The following ABCA13 variants were observed in gnomAD, a reference collection of about 807,000 sequenced individuals.
ABCA13 encodes the protein ATP-binding cassette sub-family A member 13.
In ABCA13, 476 loss-of-function variants were observed where a neutral mutation model predicts 478.7. The observed-to-expected ratio is 0.99, with a 90% CI of 0.92 to 1.07. The LOEUF is 1.07. ABCA13 is among the 50% of genes least tolerant of loss of function. The pLI is 0.00. For missense variants in ABCA13, 6,060 were observed against 5,910.6 expected (o/e 1.03, Z -0.83); for synonymous variants, 2,252 against 2,158.9 (o/e 1.04, Z -1.20).
chr7:48,279,216 G>T lies in ABCA13; in HGVS notation c.8022G>T (p.Arg2674=). The T allele has an allele frequency of 6.3e-7, 1 of 1,590,280 alleles. No homozygotes were observed. Among genetic ancestry groups the T allele is most frequent in the Non-Finnish European group, 8.6e-7 (1 of 1,167,296 alleles). ...QTFSMDSVNL[R]EEILGCLVPI... is the part of the protein sequence containing the mutation. ...TTTCTATGGATTCTGTCAACTTACG[G>T]GAAGAAATTCTGGGTTGCTTAGTTC... The change falls in exon 18 of 62, where the codon CGG becomes CGT. Residue 2674 remains arginine (R), a synonymous_variant. Coordinates refer to ENST00000435803, the MANE Select transcript of ABCA13 (RefSeq NM_152701.5).
intron 16 of ABCA13, among the ~76,000 whole-genome samples, chr7:48,271,052 G>A (rs1327540914): frequency 6.6e-6 from 1 of 152,200 alleles, no homozygotes; most frequent in Non-Finnish European, 1.5e-5. Context: ...CCCTCACTGA[G>A]ATGCATGAAT....
chr7:48,613,048 G>A (rs987559966), intron 58 of ABCA13, among the ~76,000 whole-genome samples: 5 of 151,882 alleles, frequency 3.3e-5, no homozygotes, highest in African/African-American at 7.3e-5. Context: ...TATTACCCAC[G>A]AGCAGTTCTT....
Position 48,271,833 on chromosome 7 carries a change from C to A in ABCA13, c.2167C>A (p.His723Asn). 6.4e-7 allele frequency: 1 copy of A among 1,565,580 alleles called. No homozygotes were observed. Among genetic ancestry groups the A allele is most frequent in the Non-Finnish European group, 8.7e-7 (1 of 1,154,546 alleles). ...KHLLMMEKKL[H>N]TLEDEQMNFL... is the part of the protein sequence containing the mutation. ...CCTTCTAATGATGGAAAAGAAGTTG[C>A]ACACCCTTGAGGATGAACAAATGAA... The change falls in exon 17 of 62, where the codon CAC (histidine) becomes AAC (asparagine). Residue 723 changes from histidine to asparagine, a missense_variant. Physicochemically the swap from His to Asn is moderately conservative, Grantham distance 68. This residue lies in a region of ABCA13 where 4,423 missense variants were observed against 4,309.1 expected (regional missense o/e 1.03). Transcript: ENST00000435803.
intron 44 of ABCA13, among the ~76,000 whole-genome samples, chr7:48,470,949 A>T (rs1299975810): frequency 6.6e-6 from 1 of 152,224 alleles, no homozygotes; most frequent in Non-Finnish European, 1.5e-5. Flanking sequence ...AAATGCTAGA[A>T]AAAATATTTT....
At chr7:48,610,208 A>G (rs1227428096) in intron 58 of ABCA13, among the ~76,000 whole-genome samples, 2 of 152,230 alleles carry the variant, frequency 1.3e-5, no homozygotes, top group African/African-American at 4.8e-5. Flanking sequence ...CACCTGAACA[A>G]AAAGGAAGAA....
At position 48,518,912 on chromosome 7, in the gene ABCA13, C is replaced by T. The variant is rs527552842; in HGVS notation, c.13798-1129C>T. On this transcript the variant is annotated intron_variant, in intron 52 of 61. Coordinates refer to ENST00000435803, the MANE Select transcript of ABCA13 (RefSeq NM_152701.5). ...TTTGCTGCACCTCTCAACCCATCACCTAGGTATTAAGCCCAGCATGCATTA... is the reference window on the plus strand; with the variant it reads ...TTTGCTGCACCTCTCAACCCATCACTTAGGTATTAAGCCCAGCATGCATTA... Among the ~76,000 whole-genome samples, 3 of 152,210 alleles carry T rather than the reference C, an allele frequency of 2.0e-5. No homozygotes were observed. The South Asian group carries it at 6.2e-4, about 32-fold the overall frequency.
intron 4 of ABCA13, among the ~76,000 whole-genome samples, chr7:48,220,514 G>C (rs536692066): frequency 1.1e-3 from 163 of 152,136 alleles, no homozygotes; most frequent in Middle Eastern, 3.4e-3. Context: ...ACGAAATAAA[G>C]AGTTTGGCAG....
chr7:48,596,165 T>C (rs1009665152), intron 58 of ABCA13, among the ~76,000 whole-genome samples: 6 of 152,268 alleles, frequency 3.9e-5, no homozygotes, highest in African/African-American at 1.2e-4. Flanking sequence ...GCCAATGTAT[T>C]GTGAAGAACT....
intron 58 of ABCA13, among the ~76,000 whole-genome samples, chr7:48,597,316 A>G (rs1790403469): frequency 6.6e-6 from 1 of 152,106 alleles, no homozygotes; most frequent in Admixed American, 6.5e-5. Flanking sequence ...TTCATTCCAA[A>G]CGGTATCCCA....
intron 46 of ABCA13, among the ~76,000 whole-genome samples, chr7:48,482,200 G>A (rs892481640): frequency 6.6e-6 from 1 of 152,088 alleles, no homozygotes; most frequent in African/African-American, 2.4e-5. Context: ...ACCCAGTGTG[G>A]TAATTGATAA....
intron 48 of ABCA13, among the ~76,000 whole-genome samples, chr7:48,497,750 CTAAG>C (rs1190144326): frequency 6.8e-6 from 1 of 147,696 alleles, no homozygotes; most frequent in Non-Finnish European, 1.5e-5. Context: ...CTCATTGTCT[CTAAG>C]TGAGTGGGGG....
chr7:48,556,252 T>C (rs548291128), intron 55 of ABCA13, among the ~76,000 whole-genome samples: 1 of 152,066 alleles, frequency 6.6e-6, no homozygotes, highest in East Asian at 1.9e-4. Flanking sequence ...GTGATCTACG[T>C]GCTGAGAAGG....
intron 41 of ABCA13, among the ~76,000 whole-genome samples, chr7:48,425,887 G>A (rs1300682170): frequency 1.3e-5 from 2 of 151,830 alleles, no homozygotes; most frequent in African/African-American, 4.8e-5. Flanking sequence ...GACTACAGGC[G>A]CCCGCCACCT....
intron 27 of ABCA13, among the ~76,000 whole-genome samples, chr7:48,326,673 C>A (rs1804376895): frequency 6.6e-6 from 1 of 151,966 alleles, no homozygotes; most frequent in South Asian, 2.1e-4. Context: ...GGATTTGAAA[C>A]AAAGTCTGTT....
intron 42 of ABCA13, among the ~76,000 whole-genome samples, chr7:48,442,133 C>T (rs79841069): frequency 0.014 from 2,190 of 152,294 alleles, 48 homozygotes; most frequent in African/African-American, 0.05. Context: ...AGTGTCCCAT[C>T]CCACTGCCGA....
intron 1 of ABCA13, among the ~76,000 whole-genome samples, chr7:48,191,974 G>A (rs966925273): frequency 1.3e-5 from 2 of 152,288 alleles, no homozygotes; most frequent in East Asian, 1.9e-4. Flanking sequence ...AGCATTCTTA[G>A]CCTGCAGATT....
intron 58 of ABCA13, among the ~76,000 whole-genome samples, chr7:48,613,033 A>G (rs994670402): frequency 5.9e-5 from 9 of 152,142 alleles, no homozygotes; most frequent in African/African-American, 2.2e-4. Context: ...ATTTGTTGGC[A>G]TGTTTATTAC....
chr7:48,571,281 GT>G (rs1313568732), intron 55 of ABCA13, among the ~76,000 whole-genome samples: 2 of 151,960 alleles, frequency 1.3e-5, no homozygotes, highest in Non-Finnish European at 2.9e-5. Flanking sequence ...AGTGCTTTTT[GT>G]TTTATTTCAT....
intron 57 of ABCA13, among the ~76,000 whole-genome samples, chr7:48,593,798 C>CT (rs1790007488): frequency 6.6e-6 from 1 of 150,696 alleles, no homozygotes; most frequent in Non-Finnish European, 1.5e-5. Flanking sequence ...TTCTTTATCT[C>CT]TTTTTTATCT....
Sources: allele counts gnomAD v4.1 joint callset (sites outside exome capture counted in the v4.1 genomes callset), GRCh38; gene constraint gnomAD v4.1.1; regional missense constraint gnomAD v4.1.1; transcripts MANE v1.5; gene names NCBI Gene and HGNC (gene_info 2026-07-23, HGNC 2026-07-21).